XPO1: variants seen among roughly 807,000 people sequenced by gnomAD.
The protein encoded by XPO1 is exportin-1.
Under a neutral mutation model 133.3 loss-of-function variants are expected in XPO1, and 5 were observed. The observed-to-expected ratio is 0.04, with a 90% confidence interval of 0.02 to 0.08. The LOEUF is 0.08. Ranked by LOEUF, XPO1 falls within the 10% of genes least tolerant of loss-of-function variation. The pLI is 1.00. For synonymous variants in XPO1, 419 were observed against 408.2 expected (o/e 1.03, Z -0.32); for missense variants, 506 against 1,267.5 (o/e 0.40, Z 9.12).
At chr2:61,531,461 C>A (rs1222102168) in intron 2 of XPO1, among the ~76,000 whole-genome samples, 1 of 152,108 alleles carries the variant, frequency 6.6e-6, no homozygotes, top group African/African-American at 2.4e-5. Context: ...TTATTAAAAG[C>A]AGTATTGCTG....
chr2:61,498,525 G>GT, intron 9 of XPO1, 148 bp downstream of exon 9: 3 of 900,136 alleles, frequency 3.3e-6, no homozygotes, highest in Non-Finnish European at 4.9e-6. Flanking sequence ...AATTTACTAG[G>GT]TGTGAATATG....
Position 61,538,190 on chromosome 2 carries a change from G to C in XPO1, c.-635C>G. On this transcript the variant is annotated 5_prime_UTR_variant, in exon 1 of 25. Coordinates refer to ENST00000401558, the MANE Select transcript of XPO1 (RefSeq NM_003400.4). Reference sequence around the variant, plus strand: ...CGCCGCCGGGGCTGTAGCTACTGTTGCTCTTGCTGATGCTGTAGCTCCCGC... The same window carrying C: ...CGCCGCCGGGGCTGTAGCTACTGTTCCTCTTGCTGATGCTGTAGCTCCCGC... The C allele has an allele frequency of 4.5e-6, 1 of 224,252 alleles. No individual in the cohort carries two copies. The highest frequency in any genetic ancestry group is 8.8e-6 in the Non-Finnish European group (1 of 113,318). 13.9% of individuals were successfully genotyped at this position (224,252 alleles called of 1,614,324 possible).
At chr2:61,537,168 T>C (rs1433308275) in intron 1 of XPO1, 1 of 151,900 alleles carries the variant, frequency 6.6e-6, no homozygotes, top group Non-Finnish European at 1.5e-5. Flanking sequence ...GCACTAAATA[T>C]TTCTGGAAAC....
chr2:61,505,786 G>C (rs1321142591), intron 4 of XPO1, among the ~76,000 whole-genome samples: 1 of 152,030 alleles, frequency 6.6e-6, no homozygotes, highest in African/African-American at 2.4e-5. Flanking sequence ...TCGAACTCCT[G>C]ACTTCAGGTG....
rs1048018753 is a variant in XPO1 at position 61,482,436 on chromosome 2, G to T, written c.2916C>A (p.Ile972=). Residue 972 remains isoleucine, a synonymous_variant, in exon 23 of 25, where the codon ATC becomes ATA. Transcript: ENST00000401558. ...GATTAGCCACATATTCCTGAAGAAA[G>T]ATTTGGTTGTTAACTGGATTTCCAG... The part of the protein sequence containing the change: ...LNPGNPVNNQ[I]FLQEYVANLL... The T allele has an allele frequency of 5.0e-6, 8 of 1,613,378 alleles. No homozygotes were observed. The highest frequency in any genetic ancestry group is 6.8e-6 in the Non-Finnish European group (8 of 1,179,768).
chr2:61,528,575 T>C (rs1218919246), intron 2 of XPO1, among the ~76,000 whole-genome samples: 1 of 150,076 alleles, frequency 6.7e-6, no homozygotes, highest in East Asian at 2.0e-4. Flanking sequence ...GAGGTTGCAG[T>C]GAGCCAAGAT....
chr2:61,518,897 T>G (rs1456990992), intron 4 of XPO1, among the ~76,000 whole-genome samples: 1 of 152,370 alleles, frequency 6.6e-6, no homozygotes, highest in African/African-American at 2.4e-5. Context: ...TCTCTTGCTA[T>G]AAAAATATCT....
Position 61,478,486 on chromosome 2 carries a change from AT to A in XPO1, c.*333del. ...AAAATTGGTATTGTTTACAGGAAAA[AT>A]TGTATAATTTTGCATTAGAATTACA... On this transcript the variant is annotated 3_prime_UTR_variant, in exon 25 of 25. Transcript: ENST00000401558. 2 of 275,874 alleles carry A rather than the reference AT, an allele frequency of 7.2e-6. No homozygotes were observed. The highest frequency in any genetic ancestry group is 1.4e-5 in the Non-Finnish European group (2 of 146,750). The allele number at this position is 275,874 out of a possible 1,614,324, so 17.1% of individuals were successfully genotyped here. A position where few individuals can be genotyped will look rare whatever the true frequency, so the allele number is the denominator to read the frequency against.
intron 9 of XPO1, 91 bp from the exon 10 acceptor site, chr2:61,497,098 A>C: frequency 6.8e-7 from 1 of 1,465,846 alleles, no homozygotes; most frequent in Non-Finnish European, 9.1e-7. Flanking sequence ...AGGCTTTAAC[A>C]ATTAAATATA....
chr2:61,484,133 A>T, intron 20 of XPO1, 28 bp from the exon 21 acceptor site: 1 of 1,581,174 alleles, frequency 6.3e-7, no homozygotes. Context: ...AAACAAAATA[A>T]TGTTTCAGTG....
At chr2:61,532,249 T>A (rs1027066431) in intron 2 of XPO1, among the ~76,000 whole-genome samples, 1 of 152,030 alleles carries the variant, frequency 6.6e-6, no homozygotes, top group Non-Finnish European at 1.5e-5. Flanking sequence ...TGCCTCAGCC[T>A]CCCGAGTAGC....
At chr2:61,498,552 C>T in intron 9 of XPO1, 121 bp downstream of exon 9, 1 of 1,286,822 alleles carries the variant, frequency 7.8e-7, no homozygotes, top group South Asian at 1.7e-5. Context: ...TTCTCCTGAG[C>T]AGCGTCCTCG....
At chr2:61,515,937 CCACA>C (rs35237510) in intron 4 of XPO1, among the ~76,000 whole-genome samples, 241 of 110,750 alleles carry the variant, frequency 2.2e-3, no homozygotes, top group Non-Finnish European at 2.5e-3. Context: ...AAAAAAAAAA[CCACA>C]CACACACACA....
Position 61,493,954 on chromosome 2 carries a change from A to G in XPO1, c.1185T>C (p.Ser395=). The G allele has an allele frequency of 6.2e-7, 1 of 1,614,178 alleles. No homozygotes were observed. The highest frequency in any genetic ancestry group is 1.1e-5 in the South Asian group (1 of 91,088). ...GAGGAACATCAAAATGTTGACTTCC[A>G]GAAAGCAACGGAGAGGCAGATGTAG... is the stretch of plus-strand genomic sequence containing the variant. ...PFSTSASPLL[S]GSQHFDVPPR... is the part of the protein sequence containing the mutation. The change falls in exon 12 of 25, where the codon TCT becomes TCC. Residue 395 remains serine (S), a synonymous_variant. Transcript: ENST00000401558.
At chr2:61,497,181 T>C (rs926905130) in intron 9 of XPO1, among the ~76,000 whole-genome samples, 174 bp from the exon 10 acceptor site, 2 of 152,202 alleles carry the variant, frequency 1.3e-5, no homozygotes, top group Non-Finnish European at 1.5e-5. Flanking sequence ...GGGAATTTTA[T>C]TGCCTACCTA....
At chr2:61,525,753 T>C in intron 3 of XPO1, 2 of 1,030,418 alleles carry the variant, frequency 1.9e-6, no homozygotes, top group Non-Finnish European at 2.3e-6. Context: ...ATTAACAAAG[T>C]CTGGTTTCAG....
intron 9 of XPO1, 23 bp downstream of exon 9, chr2:61,498,646 CAAAT>C (rs1401140182): frequency 2.0e-5 from 32 of 1,609,896 alleles, no homozygotes; most frequent in African/African-American, 4.0e-5. Flanking sequence ...TATCCGGTGA[CAAAT>C]AACTGAAATG....
chr2:61,525,595 G>C (rs186298975), intron 3 of XPO1: 850 of 1,018,254 alleles, frequency 8.3e-4, no homozygotes, highest in Admixed American at 1.1e-3. Flanking sequence ...AGTAATGTCT[G>C]TCAGTATAAA....
intron 4 of XPO1, among the ~76,000 whole-genome samples, chr2:61,512,416 T>C (rs1270776617): frequency 2.0e-5 from 3 of 152,100 alleles, no homozygotes; most frequent in African/African-American, 4.8e-5. Context: ...ACACCACACA[T>C]ACAGGGAAAA....
Sources: allele counts gnomAD v4.1 joint callset (sites outside exome capture counted in the v4.1 genomes callset), GRCh38; gene constraint gnomAD v4.1.1; transcripts MANE v1.5; gene names NCBI Gene and HGNC (gene_info 2026-07-23, HGNC 2026-07-21).